ATR: variants seen among roughly 807,000 people sequenced by gnomAD.
The protein encoded by ATR is ATR checkpoint kinase.
ATR carries 142 observed loss-of-function variants against 305.3 expected under a neutral mutation model. That is an observed-to-expected ratio of 0.47 (90% CI 0.41 to 0.53). The LOEUF is 0.53. ATR is among the 20% of genes least tolerant of loss of function. The pLI is 0.00. For missense variants in ATR, 2,135 were observed against 3,133.1 expected, an observed-to-expected ratio of 0.68 and a Z score of 7.60; for synonymous variants, 1,050 against 1,068.1, an observed-to-expected ratio of 0.98 and a Z score of 0.33.
chr3:142,460,887 G>A (rs1031606077), intron 42 of ATR, among the ~76,000 whole-genome samples: 18 of 152,014 alleles, frequency 1.2e-4, no homozygotes, highest in African/African-American at 2.4e-4. Context: ...CATATCTTGC[G>A]TAACAATAGT....
chr3:142,576,753 A>C (rs2035453338), intron 1 of ATR, among the ~76,000 whole-genome samples: 1 of 152,214 alleles, frequency 6.6e-6, no homozygotes. Flanking sequence ...ATTAGTAGTC[A>C]TCAAATAGCA....
At position 142,558,550 on chromosome 3, in the gene ATR, A is replaced by ATAAG. The variant is rs2034760049; in HGVS notation, c.1885+73_1885+74insCTTA. On this transcript the variant is annotated intron_variant, in intron 8 of 46. Transcript: ENST00000350721. ...AATAAATAAATAAATAAATAAATAA[A>ATAAG]TAAATAAATAGATAGATAGATAGAT... 57 of 1,099,114 alleles carry ATAAG rather than the reference A, an allele frequency of 5.2e-5. 1 individual carries two copies. The South Asian group carries it at 1.4e-3, about 27-fold the overall frequency. 68.1% of individuals were successfully genotyped at this position (1,099,114 alleles called of 1,614,324 possible).
At chr3:142,519,595 C>T (rs1345816581) in intron 24 of ATR, 74 bp downstream of exon 24, 15 of 1,322,094 alleles carry the variant, frequency 1.1e-5, no homozygotes, top group Admixed American at 3.7e-5. Flanking sequence ...CCACTGCACC[C>T]GGCCAAAAAA....
intron 5 of ATR, 73 bp downstream of exon 5, chr3:142,561,166 TTAAC>T: frequency 6.7e-7 from 1 of 1,497,302 alleles, no homozygotes; most frequent in Non-Finnish European, 9.3e-7. Context: ...ATCAAAGCAC[TTAAC>T]TAAAGCTGAT....
At chr3:142,574,617 C>T (rs2035380251) in intron 1 of ATR, among the ~76,000 whole-genome samples, 1 of 152,134 alleles carries the variant, frequency 6.6e-6, no homozygotes, top group Admixed American at 6.5e-5. Flanking sequence ...AAAGCTTAGG[C>T]ACCTCCTCTG....
chr3:142,518,753 T>C (rs2033018625), intron 24 of ATR, among the ~76,000 whole-genome samples: 1 of 152,190 alleles, frequency 6.6e-6, no homozygotes, highest in African/African-American at 2.4e-5. Context: ...CAAAGTCAAG[T>C]ATCTAATATG....
chr3:142,532,363 T>G (rs984156064), intron 21 of ATR, among the ~76,000 whole-genome samples: 1 of 152,242 alleles, frequency 6.6e-6, no homozygotes, highest in African/African-American at 2.4e-5. Context: ...GTTATCTTTT[T>G]GGGATTTTAT....
At chr3:142,524,221 A>C (rs2033276331) in intron 21 of ATR, 22 bp from the exon 22 acceptor site, 1 of 1,575,008 alleles carries the variant, frequency 6.3e-7, no homozygotes, top group Non-Finnish European at 8.7e-7. Context: ...GTAGAAAGAA[A>C]ATTTATACGT....
chr3:142,488,708 T>C (rs2031101338), intron 35 of ATR, among the ~76,000 whole-genome samples: 1 of 152,164 alleles, frequency 6.6e-6, no homozygotes, highest in African/African-American at 2.4e-5. Context: ...AGTCAAAGAT[T>C]ATTTCAAATT....
chr3:142,572,072 CT>C (rs1218938262), intron 1 of ATR, among the ~76,000 whole-genome samples: 4 of 138,296 alleles, frequency 2.9e-5, no homozygotes, highest in South Asian at 2.6e-4. Flanking sequence ...GGCCCTTTTT[CT>C]TTTTTTTTTC....
At chr3:142,451,510 G>A in intron 46 of ATR, 4 of 1,428,766 alleles carry the variant, frequency 2.8e-6, no homozygotes, top group Non-Finnish European at 3.7e-6. Context: ...TGGACCCATA[G>A]AAACAGAAAG....
chr3:142,550,075 T>C, intron 14 of ATR, 57 bp downstream of exon 14: 1 of 1,591,748 alleles, frequency 6.3e-7, no homozygotes, highest in Non-Finnish European at 8.6e-7. Flanking sequence ...AAATCTAGAA[T>C]GGAATGAACA....
intron 21 of ATR, among the ~76,000 whole-genome samples, chr3:142,532,186 G>T (rs149518040): frequency 6.6e-6 from 1 of 152,108 alleles, no homozygotes; most frequent in African/African-American, 2.4e-5. Flanking sequence ...CATCTTCTGC[G>T]TCACTCACGC....
At chr3:142,550,902 C>T (rs2034448164) in intron 13 of ATR, among the ~76,000 whole-genome samples, 1 of 152,046 alleles carries the variant, frequency 6.6e-6, no homozygotes, top group Non-Finnish European at 1.5e-5. Context: ...ATTCTTCTGC[C>T]TCAGCCTCCT....
Position 142,558,725 on chromosome 3 carries a change from G to A in ATR, c.1784C>T (p.Ser595Leu), listed in dbSNP as rs747451103. The part of the protein sequence containing the change: ...HILEDLCGML[S>L]LPWIYSHSDD... Reference sequence around the variant, plus strand: ...AGAATGGGAATAAATCCATGGAAGTGAGAGCATACCACATAAATCTTCCAG... The same window carrying A: ...AGAATGGGAATAAATCCATGGAAGTAAGAGCATACCACATAAATCTTCCAG... Residue 595 changes from serine (S) to leucine (L), a missense_variant, in exon 8 of 47, where the codon TCA becomes TTA. This residue lies in a region of ATR where 744 missense variants were observed against 873.2 expected (regional missense o/e 0.85). Transcript: ENST00000350721. The A allele has an allele frequency of 2.9e-5, 47 of 1,612,350 alleles. No homozygotes were observed. Among genetic ancestry groups the A allele is most frequent in the Non-Finnish European group, 3.9e-5 (46 of 1,178,796 alleles).
intron 14 of ATR, 71 bp downstream of exon 14, chr3:142,550,061 G>A: frequency 6.4e-7 from 1 of 1,572,260 alleles, no homozygotes; most frequent in East Asian, 2.3e-5. Flanking sequence ...TCATATCAAA[G>A]TCAAAATCTA....
intron 46 of ATR, chr3:142,450,754 CA>C: frequency 6.6e-7 from 1 of 1,522,212 alleles, no homozygotes; most frequent in South Asian, 1.2e-5. Flanking sequence ...AGGTCTTCAG[CA>C]CCCTAATATC....
At chr3:142,491,730 C>T (rs1559933674) in intron 35 of ATR, among the ~76,000 whole-genome samples, 1 of 152,190 alleles carries the variant, frequency 6.6e-6, no homozygotes, top group Non-Finnish European at 1.5e-5. Flanking sequence ...TCCTATTTAT[C>T]TTCATCAGAA....
rs1236001294 is a variant in ATR at position 142,519,651 on chromosome 3, T to C, written c.4382+18A>G. 6.4e-7 allele frequency: 1 copy of C among 1,573,210 alleles called. No homozygotes were observed. The highest frequency in any genetic ancestry group is 2.2e-5 in the East Asian group (1 of 44,630). On this transcript the variant is annotated intron_variant, in intron 24 of 46. Transcript: ENST00000350721. ...TTAAAAACAATTTTATGAAAATACA[T>C]TAAATAAGCCTACATACCTGGTATT...
Sources: gnomAD v4.1 joint callset for allele counts (sites outside exome capture counted in the v4.1 genomes callset) on GRCh38, gnomAD v4.1.1 for gene constraint, gnomAD v4.1.1 regional missense constraint, MANE v1.5 for transcripts, NCBI Gene and HGNC (gene_info 2026-07-23, HGNC 2026-07-21) for gene names.